Variants in ABCD4 observed in about 807,000 individuals in gnomAD.
The protein encoded by ABCD4 is ATP binding cassette subfamily D member 4.
A neutral mutation model predicts 86.3 loss-of-function variants in ABCD4; 53 were observed. That is an observed-to-expected ratio of 0.61 (90% confidence interval 0.49 to 0.77). The LOEUF (loss-of-function observed/expected upper bound fraction) is 0.77, where lower values mean the gene tolerates loss of function less well. Ranked by LOEUF, ABCD4 falls within the 30% of genes least tolerant of loss-of-function variation. The pLI, the probability that ABCD4 is intolerant of heterozygous loss-of-function variation, is 0.00. For synonymous variants in ABCD4, 328 were observed against 313.6 expected (o/e 1.05, Z -0.49); for missense variants, 757 against 764.5 (o/e 0.99, Z 0.12).
rs758237660 is a variant in ABCD4, at chr14:74,286,852, C to A, written c.1637-36G>T. The A allele has an allele frequency of 3.1e-6, 5 of 1,588,372 alleles. No homozygotes were observed. In the South Asian group the frequency reaches 4.4e-5, roughly 14 times the overall value. On this transcript the variant is annotated intron_variant, in intron 17 of 18. Transcript: ENST00000356924. ...AGAGCACAGAGGAAGAGATCAAAGC[C>A]CTGCCCTCTGCCGCCGCTGCTTCTC...
chr14:74,291,840 A>G (rs554692104), intron 11 of ABCD4, among the ~76,000 whole-genome samples: 1 of 152,340 alleles, frequency 6.6e-6, no homozygotes, highest in South Asian at 2.1e-4. Flanking sequence ...CAGAACAGTT[A>G]GGTAATCTGC....
At chr14:74,301,673 G>A (rs1360083516) in intron 1 of ABCD4, among the ~76,000 whole-genome samples, 1 of 151,932 alleles carries the variant, frequency 6.6e-6, no homozygotes, top group African/African-American at 2.4e-5. Flanking sequence ...TCGGGAGGCC[G>A]AGGCGGGTGG....
intron 4 of ABCD4, 47 bp from the exon 5 acceptor site, chr14:74,296,496 A>G: frequency 6.4e-7 from 1 of 1,554,058 alleles, no homozygotes; most frequent in Non-Finnish European, 8.9e-7. Context: ...GATGGGCCCA[A>G]AGGTAGAGAG....
At position 74,287,804 on chromosome 14, in the gene ABCD4, C is replaced by T. The variant is rs775419445; in HGVS notation, c.1636+6G>A. The T allele has an allele frequency of 5.0e-6, 8 of 1,609,358 alleles. No individual in the cohort carries two copies. Among genetic ancestry groups the T allele is most frequent in the Non-Finnish European group, 6.8e-6 (8 of 1,177,752 alleles). On this transcript the variant is annotated splice_donor_region_variant and intron_variant, in intron 17 of 18. Transcript: ENST00000356924. ...TGGCATGTGCAGCCACAAGGCGAGA[C>T]CTCACCTGCGTACTTCGGCTGCAGG... is the stretch of plus-strand genomic sequence containing the variant.
Position 74,298,137 on chromosome 14 carries a change from G to C in ABCD4, c.286-68C>G, listed in dbSNP as rs546096469. The C allele has an allele frequency of 1.7e-4, 263 of 1,573,252 alleles. 1 individual carries two copies. The African/African-American group carries it at 3.1e-3, about 19-fold the overall frequency. ...TGAAAATCTCAGCTCAAAGCTCAAG[G>C]CTCGCAAGAGCCTCCGCTGACCCAT... is the stretch of plus-strand genomic sequence containing the variant. On this transcript the variant is annotated intron_variant, in intron 3 of 18. Transcript: ENST00000356924.
At chr14:74,295,234 G>A in intron 6 of ABCD4, 36 bp from the exon 7 acceptor site, 1 of 1,612,536 alleles carries the variant, frequency 6.2e-7, no homozygotes, top group Non-Finnish European at 8.5e-7. Flanking sequence ...GCTGACAACA[G>A]GGAGTACTGG....
At position 74,301,160 on chromosome 14, in the gene ABCD4, C is replaced by CTTT. The variant is rs36088801; in HGVS notation, c.39-895_39-893dup. Among the ~76,000 whole-genome samples the CTTT allele has an allele frequency of 7.8e-3, 966 of 124,330 alleles. 13 individuals are homozygous for CTTT. The highest frequency in any genetic ancestry group is 0.031 in the Middle Eastern group (7 of 224). 81.6% of individuals were successfully genotyped at this position (124,330 alleles called of 152,430 possible). ...TGAGCCACCGCGCCTGGCCTAAAAT[C>CTTT]TTTTTTTTTTTTTTTTTGAGACAAG... On this transcript the variant is annotated intron_variant, in intron 1 of 18. Coordinates refer to ENST00000356924, the MANE Select transcript of ABCD4 (RefSeq NM_005050.4).
chr14:74,292,947 A>G, intron 8 of ABCD4, 78 bp from the exon 9 acceptor site: 1 of 1,597,704 alleles, frequency 6.3e-7, no homozygotes, highest in Non-Finnish European at 8.5e-7. Context: ...GACAGGGAGC[A>G]GGACGCCAAG....
rs1055222004 is a variant in ABCD4 at position 74,287,883 on chromosome 14, A to G, written c.1563T>C (p.Tyr521=). The G allele has an allele frequency of 2.5e-6, 4 of 1,612,474 alleles. No homozygotes were observed. The African/African-American group carries it at 5.3e-5, about 22-fold the overall frequency. Residue 521 remains tyrosine (Y), a synonymous_variant, in exon 17 of 19, where the codon TAT becomes TAC. Transcript: ENST00000356924. ...GCATCTCCCCCGGGGACAGAACATC[A>G]TACCTGAGGAAAGGTAGGAGAGAGG... ...GLDQQVDWNW[Y]DVLSPGEMQR...
In ABCD4 at chr14:74,286,182, T is replaced by C; in HGVS notation, c.*279A>G. ...AGATTTCTCTTTAGCAAACATGATCTGAAATCATTTGTAGGTAATCAGCAC... is the reference window on the plus strand; with the variant it reads ...AGATTTCTCTTTAGCAAACATGATCCGAAATCATTTGTAGGTAATCAGCAC... On this transcript the variant is annotated 3_prime_UTR_variant, in exon 19 of 19. Coordinates refer to ENST00000356924, the MANE Select transcript of ABCD4 (RefSeq NM_005050.4). 3.0e-6 allele frequency: 1 copy of C among 334,954 alleles called. No individual in the cohort carries two copies. The highest frequency in any genetic ancestry group is 5.4e-6 in the Non-Finnish European group (1 of 183,720). The allele number at this position is 334,954 out of a possible 1,614,324, so 20.7% of individuals were successfully genotyped here.
At chr14:74,293,742 C>CT (rs1594942057) in intron 7 of ABCD4, 2 of 152,720 alleles carry the variant, frequency 1.3e-5, no homozygotes, top group Non-Finnish European at 2.9e-5. Flanking sequence ...AAAATTATCT[C>CT]TGTCTTTGAG....
chr14:74,288,277 GGCAGGATGT>G lies in ABCD4; in HGVS notation c.1507-27_1507-19del. 6.2e-7 allele frequency: 1 copy of G among 1,602,500 alleles called. No homozygotes were observed. Among genetic ancestry groups the G allele is most frequent in the Non-Finnish European group, 8.5e-7 (1 of 1,174,114 alleles). On this transcript the variant is annotated intron_variant, in intron 15 of 18. Coordinates refer to ENST00000356924, the MANE Select transcript of ABCD4 (RefSeq NM_005050.4). The stretch of plus-strand genomic sequence containing the variant: ...AAGTTGGACTGTAACAGACCCAGAG[GGCAGGATGT>G]CCATGAAATGGCCAGCCCTGCTACC...
chr14:74,290,520 G>A (rs1412392956), intron 11 of ABCD4, 21 bp from the exon 12 acceptor site: 3 of 1,604,044 alleles, frequency 1.9e-6, no homozygotes, highest in Non-Finnish European at 1.7e-6. Flanking sequence ...GAAGAGAGGG[G>A]GCGTGAGGAA....
intron 6 of ABCD4, among the ~76,000 whole-genome samples, chr14:74,295,490 A>C (rs564930629): frequency 1.4e-4 from 22 of 152,310 alleles, no homozygotes; most frequent in African/African-American, 5.3e-4. Flanking sequence ...GGAGGGGGAC[A>C]AGAAGCACAG....
In ABCD4 at chr14:74,296,429, T is replaced by C. The variant is rs760397870; in HGVS notation, c.446A>G (p.Asp149Gly). The change falls in exon 5 of 19, where the codon GAC (aspartate) becomes GGC (glycine). Residue 149 changes from aspartate to glycine, a missense_variant. Physicochemically the swap from Asp to Gly is moderately conservative, Grantham distance 94 (BLOSUM62 -1). Coordinates refer to ENST00000356924, the MANE Select transcript of ABCD4 (RefSeq NM_005050.4). The part of the protein sequence containing the change: ...IDNPDQRISQ[D>G]VERFCRQLSS... ...GAGCTGCCGGCAGAATCGCTCCACG[T>C]CCTGGCTGATGCGCTGGTCCCTGGA... 6 of 1,614,062 alleles carry C rather than the reference T, an allele frequency of 3.7e-6. No individual in the cohort carries two copies. Among genetic ancestry groups the C allele is most frequent in the East Asian group, 4.5e-5 (2 of 44,878 alleles).
chr14:74,295,756 C>T, intron 6 of ABCD4, 98 bp downstream of exon 6: 2 of 1,521,344 alleles, frequency 1.3e-6, no homozygotes, highest in East Asian at 4.5e-5. Context: ...CAGCTAGTAA[C>T]TGGCACAGCT....
intron 1 of ABCD4, among the ~76,000 whole-genome samples, chr14:74,301,691 G>T (rs2084584507): frequency 6.7e-6 from 1 of 149,230 alleles, no homozygotes; most frequent in Non-Finnish European, 1.5e-5. Flanking sequence ...TGGATCACCT[G>T]AGGTCAGGAG....
chr14:74,295,234 G>C (rs754924300), intron 6 of ABCD4, 36 bp from the exon 7 acceptor site: 1 of 1,612,418 alleles, frequency 6.2e-7, no homozygotes, highest in African/African-American at 1.3e-5. Flanking sequence ...GCTGACAACA[G>C]GGAGTACTGG....
Position 74,300,272 on chromosome 14 carries a change from A to C in ABCD4, c.39-4T>G, listed in dbSNP as rs765109626. 6.3e-7 allele frequency: 1 copy of C among 1,598,746 alleles called. No homozygotes were observed. The highest frequency in any genetic ancestry group is 8.6e-7 in the Non-Finnish European group (1 of 1,166,478). On this transcript the variant is annotated splice_polypyrimidine_tract_variant and splice_region_variant and intron_variant, in intron 1 of 18. Coordinates refer to ENST00000356924, the MANE Select transcript of ABCD4 (RefSeq NM_005050.4). ...AAATTGCAGATCTAACCTGGGCCTGAAGAGAAGGTGGGGAGGCAGAGAAAA... is the reference window on the plus strand; with the variant it reads ...AAATTGCAGATCTAACCTGGGCCTGCAGAGAAGGTGGGGAGGCAGAGAAAA...
Sources: gnomAD v4.1 joint callset for allele counts (sites outside exome capture counted in the v4.1 genomes callset) on GRCh38, gnomAD v4.1.1 for gene constraint, MANE v1.5 for transcripts, NCBI Gene and HGNC (gene_info 2026-07-23, HGNC 2026-07-21) for gene names.